Variants in PEX2 observed in about 807,000 individuals in gnomAD.
PEX2 encodes the protein peroxisomal biogenesis factor 2.
Under a neutral mutation model 25.2 loss-of-function variants are expected in PEX2, and 19 were observed. That is an observed-to-expected ratio of 0.75 (90% CI 0.53 to 1.10). The LOEUF is 1.10. PEX2 is among the 50% of genes least tolerant of loss of function. The pLI is 0.00. For synonymous variants in PEX2, 141 were observed against 127.7 expected, an observed-to-expected ratio of 1.10 and a Z score of -0.70; for missense variants, 347 against 350.6, an observed-to-expected ratio of 0.99 and a Z score of 0.08.
rs910445135 is a variant in PEX2, at chr8:76,980,556, T to A, written c.*2705A>T. ...ATTTAAGTAACCAGGAACAGTATTT[T>A]CCATCCCCTAGCTATAGTGGCTGGT... On this transcript the variant is annotated 3_prime_UTR_variant, in exon 4 of 4. Transcript: ENST00000357039. 6.6e-6 allele frequency: 1 copy of A among 152,204 alleles called. No individual in the cohort carries two copies. Among genetic ancestry groups the A allele is most frequent in the Admixed American group, 6.5e-5 (1 of 15,278 alleles). 9.4% of individuals were successfully genotyped at this position (152,204 alleles called of 1,614,324 possible).
chr8:76,998,668 T>C (rs752453864), intron 1 of PEX2, among the ~76,000 whole-genome samples: 1 of 152,184 alleles, frequency 6.6e-6, no homozygotes, highest in Non-Finnish European at 1.5e-5. Context: ...AACCTTGTTA[T>C]TCAAGCGGAA....
intron 1 of PEX2, among the ~76,000 whole-genome samples, chr8:76,999,158 G>T (rs1807422442): frequency 6.6e-6 from 1 of 152,058 alleles, no homozygotes; most frequent in Admixed American, 6.5e-5. Flanking sequence ...AACACTTTAG[G>T]GGAAGGTGTT....
At chr8:77,000,288 T>G (rs749923079), upstream of PEX2, 4 of 303,852 alleles carry the variant, frequency 1.3e-5, no homozygotes, top group South Asian at 1.1e-4. Context: ...ATTGGCCGGT[T>G]GGCCGGAAGA....
intron 1 of PEX2, among the ~76,000 whole-genome samples, chr8:76,993,638 T>C (rs1200961499): frequency 6.6e-6 from 1 of 152,230 alleles, no homozygotes; most frequent in East Asian, 1.9e-4. Context: ...TTTATAAATG[T>C]AAGCTCAAAC....
In PEX2 at chr8:76,983,612, T is replaced by C. The variant is rs1437677769; in HGVS notation, c.567A>G (p.Glu189=). The change falls in exon 4 of 4, where the codon GAA becomes GAG. Residue 189 remains glutamate (E), a synonymous_variant. Coordinates refer to ENST00000357039, the MANE Select transcript of PEX2 (RefSeq NM_000318.3). ...GCCAGAGAAGTTCCCTATTCATGTATTCAAAGCCAACTTCACATATGTTTT... is the reference window on the plus strand; with the variant it reads ...GCCAGAGAAGTTCCCTATTCATGTACTCAAAGCCAACTTCACATATGTTTT... ...KPQNICEVGF[E]YMNRELLWHG... is the part of the protein sequence containing the mutation. The C allele has an allele frequency of 1.2e-6, 2 of 1,614,146 alleles. No individual in the cohort carries two copies. Among genetic ancestry groups the C allele is most frequent in the South Asian group, 1.1e-5 (1 of 91,086 alleles).
At chr8:76,999,750 CTG>C (rs35089903) in intron 1 of PEX2, 147,050 of 443,090 alleles carry the variant, frequency 0.33, 25,950 homozygotes, top group East Asian at 0.47. Context: ...TCAACTGCAG[CTG>C]TGTGTGTGTT....
chr8:76,999,623 G>A (rs947834371), intron 1 of PEX2, among the ~76,000 whole-genome samples: 1 of 152,130 alleles, frequency 6.6e-6, no homozygotes, highest in African/African-American at 2.4e-5. Context: ...AGTAAAGTTT[G>A]GATCCTCAAT....
In PEX2 at chr8:76,980,360, T is replaced by C. The variant is rs1336115135; in HGVS notation, c.*2901A>G. The C allele has an allele frequency of 6.6e-6, 1 of 152,234 alleles. No homozygotes were observed. Among genetic ancestry groups the C allele is most frequent in the Non-Finnish European group, 1.5e-5 (1 of 68,038 alleles). The allele number at this position is 152,234 out of a possible 1,614,324, so 9.4% of individuals were successfully genotyped here. On this transcript the variant is annotated 3_prime_UTR_variant, in exon 4 of 4. Transcript: ENST00000357039. ...TGTCCTTATCAAGCTAGATCACTGG[T>C]AAAATGAGACTGCAATGTGGACTTT...
chr8:77,000,372 A>T (rs12156404), upstream of PEX2: 4,022 of 195,110 alleles, frequency 0.021, 153 homozygotes, highest in African/African-American at 0.06. Flanking sequence ...AGGACACTAC[A>T]AGTGTCGAGG....
rs1205282472 is a variant in PEX2 at position 76,981,656 on chromosome 8, T to G, written c.*1605A>C. ...AGGAAAAAATGCTATTTTTTATGCA[T>G]TATAATAATTTTGTAAATAAGAAAT... On this transcript the variant is annotated 3_prime_UTR_variant, in exon 4 of 4. Transcript: ENST00000357039. The G allele has an allele frequency of 6.6e-6, 1 of 152,168 alleles. No individual in the cohort carries two copies. The highest frequency in any genetic ancestry group is 1.5e-5 in the Non-Finnish European group (1 of 68,028). 9.4% of individuals were successfully genotyped at this position (152,168 alleles called of 1,614,324 possible).
chr8:76,999,170 A>C (rs1381420123), intron 1 of PEX2, among the ~76,000 whole-genome samples: 1 of 152,166 alleles, frequency 6.6e-6, no homozygotes, highest in East Asian at 1.9e-4. Flanking sequence ...GAAGGTGTTT[A>C]GACTACAAGC....
intron 3 of PEX2, among the ~76,000 whole-genome samples, chr8:76,984,963 A>G (rs1306839431): frequency 1.3e-5 from 2 of 152,110 alleles, no homozygotes; most frequent in Admixed American, 1.3e-4. Flanking sequence ...GACTAAGGAA[A>G]CAAATTGGTG....
intron 1 of PEX2, among the ~76,000 whole-genome samples, chr8:76,997,296 T>C (rs187401026): frequency 6.6e-6 from 1 of 152,318 alleles, no homozygotes; most frequent in Non-Finnish European, 1.5e-5. Context: ...GTAGAGGTAA[T>C]GCCAACTCAT....
In PEX2 at chr8:76,984,309, A is replaced by G. The variant is rs559193416; in HGVS notation, c.-17-114T>C. The stretch of plus-strand genomic sequence containing the variant: ...AATTACACAGGACACATAGGCGATG[A>G]GCGTTTCAGTAGTCTCAAATAGTAC... On this transcript the variant is annotated intron_variant, in intron 3 of 3. Coordinates refer to ENST00000357039, the MANE Select transcript of PEX2 (RefSeq NM_000318.3). 7.7e-5 allele frequency: 61 copies of G among 787,284 alleles called. 2 individuals are homozygous for G. In the South Asian group the frequency reaches 9.8e-4, roughly 13 times the overall value. The allele number at this position is 787,284 out of a possible 1,614,324, so 48.8% of individuals were successfully genotyped here. A position where few individuals can be genotyped will look rare whatever the true frequency, so the allele number is the denominator to read the frequency against.
chr8:76,997,784 G>C (rs1344396450), intron 1 of PEX2, among the ~76,000 whole-genome samples: 2 of 152,146 alleles, frequency 1.3e-5, no homozygotes, highest in Non-Finnish European at 2.9e-5. Context: ...GTATAGATGG[G>C]AATATGTTAG....
intron 1 of PEX2, among the ~76,000 whole-genome samples, 194 bp from the exon 2 acceptor site, chr8:76,988,532 G>A (rs1807069553): frequency 6.6e-6 from 1 of 152,216 alleles, no homozygotes; most frequent in African/African-American, 2.4e-5. Context: ...TGAGCCTTCA[G>A]TGAGTTATAA....
chr8:76,993,671 A>T (rs1807238601), intron 1 of PEX2, among the ~76,000 whole-genome samples: 1 of 152,198 alleles, frequency 6.6e-6, no homozygotes, highest in African/African-American at 2.4e-5. Context: ...AAAAATTACA[A>T]GCTGCTTTTT....
At chr8:76,996,509 A>C (rs988770318) in intron 1 of PEX2, among the ~76,000 whole-genome samples, 4 of 152,248 alleles carry the variant, frequency 2.6e-5, no homozygotes, top group African/African-American at 9.6e-5. Flanking sequence ...ATAGGCACAA[A>C]CTATGGGAAA....
intron 1 of PEX2, among the ~76,000 whole-genome samples, chr8:76,992,664 T>TA (rs1186001159): frequency 1.3e-5 from 2 of 152,222 alleles, no homozygotes; most frequent in African/African-American, 4.8e-5. Context: ...CAATATAGTG[T>TA]AAGCAGTTTG....
Sources: allele counts gnomAD v4.1 joint callset (sites outside exome capture counted in the v4.1 genomes callset), GRCh38; gene constraint gnomAD v4.1.1; transcripts MANE v1.5; gene names NCBI Gene and HGNC (gene_info 2026-07-23, HGNC 2026-07-21).